XPNPEP1: variants seen among roughly 807,000 people sequenced by gnomAD.
The protein encoded by XPNPEP1 is X-prolyl aminopeptidase 1.
XPNPEP1 carries 39 observed loss-of-function variants against 92.4 expected under a neutral mutation model. That is an observed-to-expected ratio of 0.42 (90% CI 0.33 to 0.55). XPNPEP1 has a LOEUF of 0.55. Among genes scored for constraint, XPNPEP1 ranks in the 20% least tolerant of loss-of-function variants. The probability of loss-of-function intolerance (pLI) is 0.08; values close to 1 mark genes in which losing one functional copy is unlikely to be tolerated. For synonymous variants in XPNPEP1, 307 were observed against 299.4 expected, an observed-to-expected ratio of 1.03 and a Z score of -0.26; for missense variants, 654 against 856.1, an observed-to-expected ratio of 0.76 and a Z score of 2.95.
At chr10:109,873,051 A>T (rs1043596831) in intron 16 of XPNPEP1, among the ~76,000 whole-genome samples, 61 of 152,360 alleles carry the variant, frequency 4.0e-4, no homozygotes, top group African/African-American at 1.4e-3. Context: ...CACTGCTTAT[A>T]AAGCATGTAT....
chr10:109,875,632 C>A (rs1440394277), intron 14 of XPNPEP1, 33 bp from the exon 15 acceptor site: 3 of 1,588,682 alleles, frequency 1.9e-6, no homozygotes, highest in Non-Finnish European at 2.6e-6. Context: ...AATTATTCCA[C>A]AAATGTAAAC....
intron 19 of XPNPEP1, among the ~76,000 whole-genome samples, chr10:109,869,272 T>A (rs492943): frequency 0.72 from 109,294 of 152,100 alleles, 39,587 homozygotes; most frequent in South Asian, 0.76. Context: ...ATCCCCGCAG[T>A]TAACCTCCTT....
intron 3 of XPNPEP1, among the ~76,000 whole-genome samples, chr10:109,903,071 C>T (rs1252493371): frequency 6.6e-6 from 1 of 152,148 alleles, no homozygotes; most frequent in Non-Finnish European, 1.5e-5. Context: ...AGGAACAGCA[C>T]CCAGGACCAA....
intron 7 of XPNPEP1, 33 bp downstream of exon 7, chr10:109,888,016 G>A (rs750965516): frequency 1.6e-5 from 25 of 1,609,834 alleles, no homozygotes; most frequent in Non-Finnish European, 2.1e-5. Flanking sequence ...GACAATGGCA[G>A]GGGCCCTGCT....
chr10:109,910,006 C>T (rs1849776817), intron 2 of XPNPEP1, among the ~76,000 whole-genome samples: 1 of 152,166 alleles, frequency 6.6e-6, no homozygotes, highest in African/African-American at 2.4e-5. Context: ...TGGTGTTGTA[C>T]ATTCTATGGG....
chr10:109,906,048 G>A (rs1849541570), intron 3 of XPNPEP1, among the ~76,000 whole-genome samples: 1 of 152,182 alleles, frequency 6.6e-6, no homozygotes, highest in Non-Finnish European at 1.5e-5. Flanking sequence ...AGGACCTCTG[G>A]GGAGAGGCAG....
At chr10:109,869,880 G>A (rs959216803) in intron 19 of XPNPEP1, 73 bp downstream of exon 19, 4 of 1,467,874 alleles carry the variant, frequency 2.7e-6, no homozygotes, top group South Asian at 2.3e-5. Context: ...TGGCAGTATT[G>A]TAGCCAATGA....
Position 109,923,435 on chromosome 10 carries a change from C to G in XPNPEP1, c.-2G>C. ...CGGTGGCTTTCTGGAGGCTGCCATT[C>G]GGCGGTGACGTGCCCCAGCCCACGT... On this transcript the variant is annotated 5_prime_UTR_variant, in exon 1 of 21. Transcript: ENST00000502935. 1 of 1,439,124 alleles carries G rather than the reference C, an allele frequency of 6.9e-7. No individual in the cohort carries two copies. Among genetic ancestry groups the G allele is most frequent in the South Asian group, 1.3e-5 (1 of 76,912 alleles). The allele number at this position is 1,439,124 out of a possible 1,614,324, so 89.1% of individuals were successfully genotyped here.
intron 10 of XPNPEP1, 124 bp downstream of exon 10, chr10:109,882,308 C>T (rs550008331): frequency 7.1e-6 from 8 of 1,122,820 alleles, no homozygotes; most frequent in Non-Finnish European, 1.0e-5. Flanking sequence ...TTTAAGGCCT[C>T]ATCCATGGAG....
chr10:109,908,506 G>A (rs932664513), intron 2 of XPNPEP1, among the ~76,000 whole-genome samples: 2 of 152,180 alleles, frequency 1.3e-5, no homozygotes, highest in Admixed American at 1.3e-4. Flanking sequence ...GGAGGCTGAG[G>A]CAGGGGAATC....
At chr10:109,906,227 G>C (rs1333580467) in intron 3 of XPNPEP1, among the ~76,000 whole-genome samples, 2 of 152,112 alleles carry the variant, frequency 1.3e-5, no homozygotes, top group African/African-American at 2.4e-5. Flanking sequence ...CACACACACA[G>C]AGTAACCAGG....
chr10:109,913,681 G>C (rs1850010544), intron 2 of XPNPEP1, among the ~76,000 whole-genome samples: 2 of 152,292 alleles, frequency 1.3e-5, no homozygotes, highest in African/African-American at 4.8e-5. Flanking sequence ...CAATTCCCAA[G>C]TCCATGCTCT....
intron 2 of XPNPEP1, among the ~76,000 whole-genome samples, chr10:109,910,619 AG>A (rs1849816260): frequency 6.6e-6 from 1 of 150,898 alleles, no homozygotes; most frequent in Non-Finnish European, 1.5e-5. Flanking sequence ...TCATTTTTTT[AG>A]CCCTGAATAA....
At chr10:109,877,951 G>C in intron 13 of XPNPEP1, 49 bp downstream of exon 13, 1 of 1,614,090 alleles carries the variant, frequency 6.2e-7, no homozygotes, top group African/African-American at 1.3e-5. Flanking sequence ...CATTCAACTA[G>C]CAAGAAAATC....
rs1256339896 is a variant in XPNPEP1 at position 109,875,614 on chromosome 10, T to TA, written c.1320-16dup. 1.4e-5 allele frequency: 22 copies of TA among 1,610,898 alleles called. No individual in the cohort carries two copies. The highest frequency in any genetic ancestry group is 1.7e-5 in the Non-Finnish European group (20 of 1,177,670). ...CAGGGACTGGCCTAACAAAGTTAAT[T>TA]AAAAATTAATTATTCCACAAATGTA... On this transcript the variant is annotated splice_polypyrimidine_tract_variant and intron_variant, in intron 14 of 20. Transcript: ENST00000502935.
chr10:109,894,133 G>C (rs71479280), intron 3 of XPNPEP1: 7 of 152,424 alleles, frequency 4.6e-5, no homozygotes, highest in African/African-American at 1.7e-4. Context: ...AGAAAGTTTA[G>C]GGTGGGGAAT....
At chr10:109,890,220 G>C (rs557557076) in intron 5 of XPNPEP1, among the ~76,000 whole-genome samples, 36 of 152,216 alleles carry the variant, frequency 2.4e-4, no homozygotes, top group African/African-American at 8.4e-4. Flanking sequence ...CAGTGTTTGC[G>C]CCTCTGACCC....
intron 2 of XPNPEP1, among the ~76,000 whole-genome samples, chr10:109,909,135 G>C (rs1029850618): frequency 6.6e-6 from 1 of 152,174 alleles, no homozygotes; most frequent in Non-Finnish European, 1.5e-5. Flanking sequence ...GCCAGGCGTG[G>C]TGGCGGGTGC....
intron 16 of XPNPEP1, among the ~76,000 whole-genome samples, chr10:109,872,888 C>T (rs2133365000): frequency 6.6e-6 from 1 of 152,346 alleles, no homozygotes; most frequent in African/African-American, 2.4e-5. Flanking sequence ...CCCTAGTACA[C>T]ATCTCTCTGC....
Sources: gnomAD v4.1 joint callset for allele counts (sites outside exome capture counted in the v4.1 genomes callset) on GRCh38, gnomAD v4.1.1 for gene constraint, MANE v1.5 for transcripts, NCBI Gene and HGNC (gene_info 2026-07-23, HGNC 2026-07-21) for gene names.